MAP3K5: variants seen among roughly 807,000 people sequenced by gnomAD.
The protein encoded by MAP3K5 is mitogen-activated protein kinase kinase kinase 5, also known as ASK-1.
Under a neutral mutation model 158.7 loss-of-function variants are expected in MAP3K5, and 56 were observed. The ratio of observed to expected loss-of-function variants is 0.35; its 90% CI spans 0.28 to 0.44. The LOEUF (loss-of-function observed/expected upper bound fraction) is 0.44. MAP3K5 is among the 20% of genes least tolerant of loss of function. The pLI is 1.00. For missense variants in MAP3K5, 1,294 were observed against 1,674.8 expected, an observed-to-expected ratio of 0.77 and a Z score of 3.97; for synonymous variants, 579 against 601.7, an observed-to-expected ratio of 0.96 and a Z score of 0.55.
intron 7 of MAP3K5, among the ~76,000 whole-genome samples, chr6:136,674,920 C>T (rs1779641248): frequency 6.6e-6 from 1 of 151,522 alleles, no homozygotes; most frequent in Non-Finnish European, 1.5e-5. Context: ...AAAAAAAATC[C>T]AAAACACTTC....
At chr6:136,642,055 T>TAAAATAAAATAAAATA (rs1777994162) in intron 12 of MAP3K5, among the ~76,000 whole-genome samples, 1 of 136,956 alleles carries the variant, frequency 7.3e-6, no homozygotes, top group Admixed American at 7.1e-5. Context: ...TAAAATAAAA[T>TAAAATAAAATAAAATA]AAAATAAAAT....
intron 7 of MAP3K5, among the ~76,000 whole-genome samples, chr6:136,671,697 T>C (rs1281148584): frequency 6.6e-6 from 1 of 152,210 alleles, no homozygotes; most frequent in Admixed American, 6.5e-5. Flanking sequence ...CACAGGAACC[T>C]CTGCCTCCAG....
intron 27 of MAP3K5, 136 bp downstream of exon 27, chr6:136,562,367 A>T (rs1040148319): frequency 1.1e-3 from 419 of 392,438 alleles, no homozygotes; most frequent in Middle Eastern, 1.8e-3. Context: ...TTTTTTTTTT[A>T]AAGGAATTCC....
intron 2 of MAP3K5, among the ~76,000 whole-genome samples, chr6:136,719,190 T>C (rs567017861): frequency 6.6e-6 from 1 of 151,874 alleles, no homozygotes; most frequent in South Asian, 2.1e-4. Flanking sequence ...AATAAATAAA[T>C]ACATACATAC....
intron 1 of MAP3K5, among the ~76,000 whole-genome samples, chr6:136,756,809 C>G (rs1220450131): frequency 6.6e-6 from 1 of 152,174 alleles, no homozygotes; most frequent in Non-Finnish European, 1.5e-5. Flanking sequence ...TCTAGATTAT[C>G]AGAGCATTGT....
At chr6:136,733,002 G>C (rs1413721942) in intron 1 of MAP3K5, among the ~76,000 whole-genome samples, 1 of 152,024 alleles carries the variant, frequency 6.6e-6, no homozygotes, top group African/African-American at 2.4e-5. Context: ...CAAGCACATA[G>C]TACTTTTTCT....
At chr6:136,669,590 C>T (rs1779382334) in intron 7 of MAP3K5, among the ~76,000 whole-genome samples, 195 bp from the exon 8 acceptor site, 1 of 151,934 alleles carries the variant, frequency 6.6e-6, no homozygotes, top group Non-Finnish European at 1.5e-5. Flanking sequence ...TGTTGCTTTC[C>T]CCCGCTTAGC....
intron 1 of MAP3K5, among the ~76,000 whole-genome samples, chr6:136,774,138 C>T (rs1784317672): frequency 6.6e-6 from 1 of 152,182 alleles, no homozygotes; most frequent in African/African-American, 2.4e-5. Context: ...TCAAATGTCA[C>T]CTCCTGTCCA....
At chr6:136,579,823 A>T (rs1392125134) in intron 25 of MAP3K5, 8 of 456,492 alleles carry the variant, frequency 1.8e-5, no homozygotes, top group Non-Finnish European at 3.1e-5. Flanking sequence ...AAAAAATCAG[A>T]TTCCTGGGCT....
At chr6:136,681,418 G>A (rs1264693839) in intron 7 of MAP3K5, among the ~76,000 whole-genome samples, 2 of 152,148 alleles carry the variant, frequency 1.3e-5, no homozygotes, top group East Asian at 3.8e-4. Flanking sequence ...AGGATCACTT[G>A]AGCCCAAGTG....
chr6:136,567,870 T>C lies in MAP3K5; in HGVS notation c.3522A>G (p.Leu1174=). The C allele has an allele frequency of 6.2e-7, 1 of 1,613,824 alleles. No individual in the cohort carries two copies. The highest frequency in any genetic ancestry group is 8.5e-7 in the Non-Finnish European group (1 of 1,179,928). ...CAGATGCAAGGCTGAAATGTGGCCTTAGTTCTGTTTGGCATAATATCAGTG... is the reference window on the plus strand; with the variant it reads ...CAGATGCAAGGCTGAAATGTGGCCTCAGTTCTGTTTGGCATAATATCAGTG... ...QTAITILVPE[L]RPHFSLASES... The change falls in exon 26 of 30, where the codon CTA becomes CTG. Residue 1174 remains leucine (L), a synonymous_variant. Coordinates refer to ENST00000359015, the MANE Select transcript of MAP3K5 (RefSeq NM_005923.4).
chr6:136,620,509 T>G (rs1776751950), intron 15 of MAP3K5, among the ~76,000 whole-genome samples: 1 of 152,036 alleles, frequency 6.6e-6, no homozygotes, highest in Non-Finnish European at 1.5e-5. Flanking sequence ...ACTGGAGATG[T>G]GGGGTAGACA....
chr6:136,730,149 GGTTGT>G (rs1237215779), intron 1 of MAP3K5, among the ~76,000 whole-genome samples: 10 of 120,086 alleles, frequency 8.3e-5, no homozygotes, highest in Non-Finnish European at 1.3e-4. Context: ...TTTGTTGTTT[GGTTGT>G]TTTTTTTTTT....
At chr6:136,647,506 T>G (rs772272893) in intron 11 of MAP3K5, among the ~76,000 whole-genome samples, 12 of 152,168 alleles carry the variant, frequency 7.9e-5, no homozygotes, top group Non-Finnish European at 1.8e-4. Flanking sequence ...CTCTCAGATT[T>G]TCAGAAACGT....
chr6:136,786,674 T>TTAAATAGTA (rs1225593644), intron 1 of MAP3K5, among the ~76,000 whole-genome samples: 1 of 152,148 alleles, frequency 6.6e-6, no homozygotes, highest in Non-Finnish European at 1.5e-5. Flanking sequence ...TAAAATATAG[T>TTAAATAGTA]TAAATAGTAA....
rs58208023 is a variant in MAP3K5 at position 136,665,907 on chromosome 6, T to G, written c.1366+3376A>C. 4.1e-3 allele frequency among the ~76,000 whole-genome samples: 629 copies of G among 152,292 alleles called. 10 individuals are homozygous for G. Among genetic ancestry groups the G allele is most frequent in the African/African-American group, 0.014 (569 of 41,562 alleles). On this transcript the variant is annotated intron_variant, in intron 8 of 29. Transcript: ENST00000359015. ...TTTTAATGCTCACTGAAAATGATAT[T>G]TAAATAGTGGTTGTCTAAGTTCCAA...
At chr6:136,676,521 T>C (rs1779709025) in intron 7 of MAP3K5, among the ~76,000 whole-genome samples, 1 of 152,218 alleles carries the variant, frequency 6.6e-6, no homozygotes. Context: ...ATGTTGTTTA[T>C]ATAGCTTTTA....
Position 136,602,041 on chromosome 6 carries a change from C to A in MAP3K5, c.2680-62G>T. ...GAGTGAACATCTCAGCACCTGAACT[C>A]CAGCTTCCATAACTTGACCCCCCAA... On this transcript the variant is annotated intron_variant, in intron 19 of 29. Transcript: ENST00000359015. 2 of 1,381,382 alleles carry A rather than the reference C, an allele frequency of 1.4e-6. 1 individual carries two copies. The highest frequency in any genetic ancestry group is 2.5e-5 in the South Asian group (2 of 80,958). 85.6% of individuals were successfully genotyped at this position (1,381,382 alleles called of 1,614,324 possible). A position where few individuals can be genotyped will look rare whatever the true frequency, so the allele number is the denominator to read the frequency against.
chr6:136,663,306 C>T (rs1377935854), intron 8 of MAP3K5, among the ~76,000 whole-genome samples: 3 of 152,308 alleles, frequency 2.0e-5, no homozygotes, highest in African/African-American at 4.8e-5. Context: ...TTTCAACAAT[C>T]GTTAACATTT....
Sources: allele counts gnomAD v4.1 joint callset (sites outside exome capture counted in the v4.1 genomes callset), GRCh38; gene constraint gnomAD v4.1.1; transcripts MANE v1.5; gene names NCBI Gene and HGNC (gene_info 2026-07-23, HGNC 2026-07-21).